The following ZDHHC14 variants were observed in gnomAD, a reference collection of about 807,000 sequenced individuals.
The protein encoded by ZDHHC14 is palmitoyltransferase ZDHHC14.
In ZDHHC14, 16 loss-of-function variants were observed where a neutral mutation model predicts 47.7. The ratio of observed to expected loss-of-function variants is 0.34; its 90% confidence interval spans 0.23 to 0.51. The LOEUF (loss-of-function observed/expected upper bound fraction) is 0.51, where lower values mean the gene tolerates loss of function less well. Ranked by LOEUF, ZDHHC14 falls within the 20% of genes least tolerant of loss-of-function variation. The pLI, the probability that ZDHHC14 is intolerant of heterozygous loss-of-function variation, is 0.97. For synonymous variants in ZDHHC14, 293 were observed against 278.9 expected (o/e 1.05, Z -0.50); for missense variants, 515 against 662.5 (o/e 0.78, Z 2.44).
intron 3 of ZDHHC14, among the ~76,000 whole-genome samples, chr6:157,600,864 A>C (rs564812875): frequency 6.6e-6 from 1 of 152,342 alleles, no homozygotes; most frequent in South Asian, 2.1e-4. Flanking sequence ...TAGATGTCAT[A>C]AAAGGTGACT....
intron 1 of ZDHHC14, among the ~76,000 whole-genome samples, chr6:157,389,552 C>T (rs772640358): frequency 2.0e-5 from 3 of 152,130 alleles, no homozygotes; most frequent in Non-Finnish European, 2.9e-5. Context: ...TATTTTGTTT[C>T]TCTTTTCCAC....
At chr6:157,532,007 C>T (rs556833968) in intron 1 of ZDHHC14, among the ~76,000 whole-genome samples, 5 of 152,272 alleles carry the variant, frequency 3.3e-5, no homozygotes, top group Admixed American at 6.5e-5. Flanking sequence ...TGCTCACTGC[C>T]TGCCCACCCT....
chr6:157,389,374 T>G (rs1467520926), intron 1 of ZDHHC14, among the ~76,000 whole-genome samples: 1 of 152,210 alleles, frequency 6.6e-6, no homozygotes, highest in Non-Finnish European at 1.5e-5. Context: ...ATCCAAATAC[T>G]TCTGCATGTA....
chr6:157,433,810 C>T (rs1410514756), intron 1 of ZDHHC14, among the ~76,000 whole-genome samples: 1 of 152,182 alleles, frequency 6.6e-6, no homozygotes, highest in African/African-American at 2.4e-5. Flanking sequence ...CAAACAGTGA[C>T]ATGGCATGTG....
chr6:157,652,302 G>A (rs953955107), intron 7 of ZDHHC14, among the ~76,000 whole-genome samples: 4 of 152,178 alleles, frequency 2.6e-5, no homozygotes, highest in East Asian at 1.9e-4. Context: ...ACACGTAGGA[G>A]GCCCTGCTTT....
chr6:157,503,862 T>C (rs1271657556), intron 1 of ZDHHC14, among the ~76,000 whole-genome samples: 2 of 152,198 alleles, frequency 1.3e-5, no homozygotes, highest in African/African-American at 4.8e-5. Context: ...GCACGGCTCA[T>C]ATAAGGCTCG....
At chr6:157,543,506 C>G (rs1781850590) in intron 2 of ZDHHC14, among the ~76,000 whole-genome samples, 1 of 152,220 alleles carries the variant, frequency 6.6e-6, no homozygotes, top group Admixed American at 6.5e-5. Context: ...TGAAAAATCA[C>G]TTGGCAGAGA....
intron 5 of ZDHHC14, among the ~76,000 whole-genome samples, chr6:157,636,918 G>T (rs1317403933): frequency 1.3e-5 from 2 of 152,184 alleles, no homozygotes; most frequent in Non-Finnish European, 2.9e-5. Flanking sequence ...TGCTGTGGTT[G>T]CCTAAAGGTT....
rs909813129 is a variant in ZDHHC14 at position 157,676,419 on chromosome 6, C to G, written c.*3297C>G. 6.6e-6 allele frequency: 1 copy of G among 152,518 alleles called. No individual in the cohort carries two copies. Among genetic ancestry groups the G allele is most frequent in the Non-Finnish European group, 1.5e-5 (1 of 68,234 alleles). 9.4% of individuals were successfully genotyped at this position (152,518 alleles called of 1,614,324 possible). Reference sequence around the variant, plus strand: ...AGTCTTTGCAGAGTTCCACGCCACCCCCCAGCTTACTGCGGCCTTCACCGG... The same window carrying G: ...AGTCTTTGCAGAGTTCCACGCCACCGCCCAGCTTACTGCGGCCTTCACCGG... On this transcript the variant is annotated 3_prime_UTR_variant, in exon 9 of 9. Transcript: ENST00000359775.
intron 2 of ZDHHC14, among the ~76,000 whole-genome samples, chr6:157,566,160 T>C (rs1156712141): frequency 6.6e-6 from 1 of 152,132 alleles, no homozygotes; most frequent in Non-Finnish European, 1.5e-5. Flanking sequence ...GCCAACACCA[T>C]GGCATTGGCT....
chr6:157,622,619 A>C (rs544466757), intron 3 of ZDHHC14, among the ~76,000 whole-genome samples: 4 of 151,782 alleles, frequency 2.6e-5, no homozygotes, highest in East Asian at 1.9e-4. Flanking sequence ...GCCTCCCACT[A>C]TCTCTCTCCT....
At position 157,677,037 on chromosome 6, in the gene ZDHHC14, ATGCCTTACTAC is replaced by A. The variant is rs1447460925; in HGVS notation, c.*3918_*3928del. 6.6e-6 allele frequency: 1 copy of A among 152,216 alleles called. No homozygotes were observed. Among genetic ancestry groups the A allele is most frequent in the Admixed American group, 6.5e-5 (1 of 15,284 alleles). 9.4% of individuals were successfully genotyped at this position (152,216 alleles called of 1,614,324 possible). A position where few individuals can be genotyped will look rare whatever the true frequency, so the allele number is the denominator to read the frequency against. On this transcript the variant is annotated 3_prime_UTR_variant, in exon 9 of 9. Coordinates refer to ENST00000359775, the MANE Select transcript of ZDHHC14 (RefSeq NM_024630.3). ...AATATTAAATACTCTTTTCTAATTG[ATGCCTTACTAC>A]TGTTTTGAAGCTGAGCCGAAATCAA...
At chr6:157,440,104 A>G (rs866705112) in intron 1 of ZDHHC14, among the ~76,000 whole-genome samples, 1 of 152,050 alleles carries the variant, frequency 6.6e-6, no homozygotes, top group Non-Finnish European at 1.5e-5. Flanking sequence ...GCAAATCATC[A>G]TGGCACACGT....
intron 1 of ZDHHC14, among the ~76,000 whole-genome samples, chr6:157,393,164 C>T (rs1425870317): frequency 6.6e-6 from 1 of 152,218 alleles, no homozygotes; most frequent in Non-Finnish European, 1.5e-5. Context: ...CAGGCGTGAG[C>T]CACCGCACCC....
At chr6:157,419,322 C>G (rs1241520212) in intron 1 of ZDHHC14, among the ~76,000 whole-genome samples, 1 of 152,060 alleles carries the variant, frequency 6.6e-6, no homozygotes, top group African/African-American at 2.4e-5. Context: ...TGTCATGTGC[C>G]CATCATTACA....
chr6:157,632,403 G>GT (rs966933881), intron 4 of ZDHHC14: 4 of 170,448 alleles, frequency 2.3e-5, no homozygotes, highest in African/African-American at 7.1e-5. Flanking sequence ...TTATGACTTT[G>GT]TTTACTCTGG....
In ZDHHC14 at chr6:157,502,574, G is replaced by C. The variant is rs536825186; in HGVS notation, c.246-40011G>C. On this transcript the variant is annotated intron_variant, in intron 1 of 8. Transcript: ENST00000359775. This position sits in a 1 kb window ranked among gnomAD's most constrained non-coding sequence, Gnocchi z 4.0. ...ACCTCCTCCTGCCTGGAGATGATGA[G>C]GGATCTCAGGCTTATCTATACATGT... Among the ~76,000 whole-genome samples the C allele has an allele frequency of 6.6e-6, 1 of 152,302 alleles. No individual in the cohort carries two copies. The highest frequency in any genetic ancestry group is 2.1e-4 in the South Asian group (1 of 4,828).
At chr6:157,637,042 C>T (rs1198583380) in intron 5 of ZDHHC14, among the ~76,000 whole-genome samples, 4 of 152,110 alleles carry the variant, frequency 2.6e-5, no homozygotes, top group Non-Finnish European at 4.4e-5. Flanking sequence ...GTTTGTGTTC[C>T]GGAAGAGTAA....
At chr6:157,628,319 C>CTTTTTT in intron 3 of ZDHHC14, 30 bp from the exon 4 acceptor site, 1 of 1,440,198 alleles carries the variant, frequency 6.9e-7, no homozygotes, top group East Asian at 2.5e-5. Flanking sequence ...TTGATTTCCA[C>CTTTTTT]TTTTTTTTTT....
Sources: gnomAD v4.1 joint callset for allele counts (sites outside exome capture counted in the v4.1 genomes callset) on GRCh38, gnomAD v4.1.1 for gene constraint, Gnocchi (gnomAD v3.1) non-coding constraint, MANE v1.5 for transcripts, NCBI Gene and HGNC (gene_info 2026-07-23, HGNC 2026-07-21) for gene names.